The following MRTFB variants were observed in gnomAD, a reference collection of about 807,000 sequenced individuals.
MRTFB encodes myocardin related transcription factor B.
Under a neutral mutation model 104.2 loss-of-function variants are expected in MRTFB, and 29 were observed. The observed-to-expected ratio is 0.28, with a 90% CI of 0.21 to 0.38. The LOEUF is 0.38. Among genes scored for constraint, MRTFB ranks in the 10% least tolerant of loss-of-function variants. The pLI, the probability that MRTFB is intolerant of heterozygous loss-of-function variation, is 1.00. For missense variants in MRTFB, 1,270 were observed against 1,341.6 expected (o/e 0.95, Z 0.83); for synonymous variants, 535 against 519.5 (o/e 1.03, Z -0.41).
chr16:14,032,495 A>G, the MRTFB span, among the ~76,000 whole-genome samples: 2,198 of 152,316 alleles, frequency 0.014, 47 homozygotes, highest in African/African-American at 0.05. Context: ...CCAGAAACGT[A>G]CATAAATGTT....
intron 8 of MRTFB, among the ~76,000 whole-genome samples, chr16:14,224,501 T>G (rs2041908220): frequency 6.6e-6 from 1 of 152,152 alleles, no homozygotes. Flanking sequence ...TACAAGAAAT[T>G]CAATAAACTC....
intron 2 of MRTFB, among the ~76,000 whole-genome samples, chr16:14,138,762 A>G (rs2037851024): frequency 6.6e-6 from 1 of 152,228 alleles, no homozygotes; most frequent in South Asian, 2.1e-4. Flanking sequence ...TAGAAAGTCA[A>G]GTAATAGATC....
At chr16:14,188,974 C>T (rs2040059735) in intron 3 of MRTFB, among the ~76,000 whole-genome samples, 1 of 152,122 alleles carries the variant, frequency 6.6e-6, no homozygotes, top group Non-Finnish European at 1.5e-5. Flanking sequence ...ACAGAAATAA[C>T]TGGATGATAA....
At chr16:14,021,516 C>T in the MRTFB span, among the ~76,000 whole-genome samples, 1 of 152,106 alleles carries the variant, frequency 6.6e-6, no homozygotes, top group Non-Finnish European at 1.5e-5. Flanking sequence ...TTTTGGTGTG[C>T]CCATCAACCA....
the MRTFB span, among the ~76,000 whole-genome samples, chr16:14,032,060 A>C: frequency 2.6e-5 from 4 of 152,178 alleles, no homozygotes; most frequent in African/African-American, 9.7e-5. Flanking sequence ...TGCCCACCTC[A>C]GCCTCCTAAA....
At chr16:14,186,590 C>T (rs760967514) in intron 3 of MRTFB, 4 of 595,470 alleles carry the variant, frequency 6.7e-6, no homozygotes, top group Non-Finnish European at 7.1e-6. Flanking sequence ...AAGTCCCCAG[C>T]GCGGGGGAAG....
At chr16:14,134,487 G>A (rs1466037464) in intron 2 of MRTFB, among the ~76,000 whole-genome samples, 1 of 152,210 alleles carries the variant, frequency 6.6e-6, no homozygotes, top group East Asian at 1.9e-4. Flanking sequence ...AACAAGAGGA[G>A]AGGGTTTCCT....
chr16:14,014,716 A>G, the MRTFB span, among the ~76,000 whole-genome samples: 2 of 150,630 alleles, frequency 1.3e-5, no homozygotes, highest in Non-Finnish European at 3.0e-5. Flanking sequence ...GAAAAAAAGA[A>G]AATTAGCCGG....
At chr16:14,059,437 A>T in the MRTFB span, among the ~76,000 whole-genome samples, 2 of 152,068 alleles carry the variant, frequency 1.3e-5, no homozygotes, top group African/African-American at 4.8e-5. Context: ...TGCTGAGCTG[A>T]GTATTCAGGT....
chr16:14,012,884 A>G, the MRTFB span: 98,604 of 151,986 alleles, frequency 0.65, 33,124 homozygotes, highest in African/African-American at 0.8. Context: ...TGTAAATCTA[A>G]TATTATCATC....
At chr16:14,012,864 G>T in the MRTFB span, among the ~76,000 whole-genome samples, 2 of 152,116 alleles carry the variant, frequency 1.3e-5, no homozygotes, top group East Asian at 3.9e-4. Flanking sequence ...AAGGCAAACC[G>T]CCTGTGGTTT....
chr16:14,222,843 T>C (rs2041798057), intron 8 of MRTFB, among the ~76,000 whole-genome samples: 1 of 151,042 alleles, frequency 6.6e-6, no homozygotes, highest in Non-Finnish European at 1.5e-5. Flanking sequence ...ACACTAGAAA[T>C]AGGGAGAGGT....
At chr16:14,255,782 A>C (rs1285343058) in intron 15 of MRTFB, among the ~76,000 whole-genome samples, 1 of 151,888 alleles carries the variant, frequency 6.6e-6, no homozygotes, top group Non-Finnish European at 1.5e-5. Context: ...TATCTATAGT[A>C]ACAATTTAAA....
chr16:14,242,955 A>C lies in MRTFB; in HGVS notation c.1079+2471A>C, dbSNP rs2042839226. ...GGAAGCAAAAGGTGGCTCAGCAGGG[A>C]GACTACTCTTACGTAATAAAGCACA... On this transcript the variant is annotated intron_variant, in intron 10 of 16. Transcript: ENST00000571589. 2.6e-5 allele frequency among the ~76,000 whole-genome samples: 4 copies of C among 152,132 alleles called. No homozygotes were observed. In the South Asian group the frequency reaches 8.3e-4, roughly 32 times the overall value.
intron 2 of MRTFB, among the ~76,000 whole-genome samples, chr16:14,106,959 C>G (rs1397636093): frequency 1.3e-5 from 2 of 152,158 alleles, no homozygotes; most frequent in African/African-American, 4.8e-5. Context: ...AGTAGTATTG[C>G]TTGTGTGGCC....
intron 3 of MRTFB, among the ~76,000 whole-genome samples, chr16:14,181,240 C>T (rs2039760838): frequency 6.6e-6 from 1 of 151,840 alleles, no homozygotes; most frequent in South Asian, 2.1e-4. Flanking sequence ...TTACCATAAC[C>T]ATTTAGTAAC....
At chr16:14,056,057 C>A in the MRTFB span, among the ~76,000 whole-genome samples, 4 of 152,162 alleles carry the variant, frequency 2.6e-5, no homozygotes, top group Non-Finnish European at 5.9e-5. Context: ...CGGCTCACTG[C>A]AACCTCTGCC....
intron 6 of MRTFB, among the ~76,000 whole-genome samples, chr16:14,215,716 G>C (rs933021007): frequency 3.9e-5 from 6 of 152,214 alleles, no homozygotes; most frequent in Non-Finnish European, 8.8e-5. Context: ...TGGGGCCACA[G>C]TTGGTTGTAT....
intron 1 of MRTFB, among the ~76,000 whole-genome samples, chr16:14,079,026 G>A (rs1299404116): frequency 2.0e-5 from 3 of 152,170 alleles, no homozygotes; most frequent in Admixed American, 6.6e-5. Flanking sequence ...CCTAGCACCC[G>A]AACTCTTAGC....
Sources: allele counts gnomAD v4.1 joint callset (sites outside exome capture counted in the v4.1 genomes callset), GRCh38; gene constraint gnomAD v4.1.1; transcripts MANE v1.5; gene names NCBI Gene and HGNC (gene_info 2026-07-23, HGNC 2026-07-21).